Variants in SEPTIN3 observed in about 807,000 individuals in gnomAD.
The protein encoded by SEPTIN3 is septin 3.
A neutral mutation model predicts 45.1 loss-of-function variants in SEPTIN3; 15 were observed. The observed-to-expected ratio is 0.33, with a 90% CI of 0.22 to 0.51. The LOEUF is 0.51. SEPTIN3 is among the 20% of genes least tolerant of loss of function. SEPTIN3 has a pLI of 0.97. For synonymous variants in SEPTIN3, 148 were observed against 164.8 expected (o/e 0.90, Z 0.78); for missense variants, 289 against 457.2 (o/e 0.63, Z 3.35).
At chr22:41,988,161 C>G (rs764945057) in intron 6 of SEPTIN3, among the ~76,000 whole-genome samples, 1 of 152,102 alleles carries the variant, frequency 6.6e-6, no homozygotes, top group East Asian at 1.9e-4. Context: ...GTGCAGGGCT[C>G]CTGGATTGGG....
chr22:41,995,275 TG>T, intron 11 of SEPTIN3: 5 of 989,724 alleles, frequency 5.1e-6, no homozygotes, highest in Non-Finnish European at 4.8e-6. Context: ...GGGGTAAGGC[TG>T]GGGCTTCCTG....
At position 41,972,456 on chromosome 22, in the gene SEPTIN3, G is replaced by A. The variant is rs748101205; in HGVS notation, c.964G>A (p.Val322Met). 7.5e-6 allele frequency: 3 copies of A among 398,938 alleles called. No individual in the cohort carries two copies. The highest frequency in any genetic ancestry group is 2.1e-5 in the African/African-American group (1 of 48,610). 24.7% of individuals were successfully genotyped at this position (398,938 alleles called of 1,614,324 possible). Residue 322 changes from valine (V) to methionine (M), a missense_variant, in exon 2 of 12, where the codon GTG (valine) becomes ATG (methionine). Val to Met is a conservative substitution (Grantham distance 21). Transcript: ENST00000644076. ...SVGTVKSGKT[V>M]NLATAGTIKP... Reference sequence around the variant, plus strand: ...AGGGACAGTCAAGTCAGGCAAAACCGTGAACTTGGCTACAGCAGGCACAAT... The same window carrying A: ...AGGGACAGTCAAGTCAGGCAAAACCATGAACTTGGCTACAGCAGGCACAAT...
intron 3 of SEPTIN3, among the ~76,000 whole-genome samples, chr22:41,983,444 T>G (rs931920872): frequency 6.6e-6 from 1 of 152,192 alleles, no homozygotes; most frequent in Non-Finnish European, 1.5e-5. Context: ...TCTTCCCACC[T>G]TGCAAAACTT....
chr22:41,973,935 C>T (rs185215485), intron 2 of SEPTIN3, among the ~76,000 whole-genome samples: 24 of 151,834 alleles, frequency 1.6e-4, no homozygotes, highest in African/African-American at 4.8e-4. Flanking sequence ...GAGCCAAGAT[C>T]GTGCCACTGC....
chr22:41,997,413 C>T lies in SEPTIN3; in HGVS notation c.*446C>T, dbSNP rs74573219. The T allele has an allele frequency of 2.7e-3, 427 of 160,146 alleles. 2 individuals carry two copies. Among genetic ancestry groups the T allele is most frequent in the Admixed American group, 7.5e-3 (118 of 15,778 alleles). The allele number at this position is 160,146 out of a possible 1,614,324, so 9.9% of individuals were successfully genotyped here. A position where few individuals can be genotyped will look rare whatever the true frequency, so the allele number is the denominator to read the frequency against. ...ATTCATTGAGATCAGCTGTGTGAGCCCCAAAGTGGGACAAGGGTGTCTCCT... is the reference window on the plus strand; with the variant it reads ...ATTCATTGAGATCAGCTGTGTGAGCTCCAAAGTGGGACAAGGGTGTCTCCT... On this transcript the variant is annotated 3_prime_UTR_variant, in exon 12 of 12. Coordinates refer to ENST00000644076, the MANE Select transcript of SEPTIN3 (RefSeq NM_001363845.2).
chr22:41,975,866 A>G (rs188788223), intron 2 of SEPTIN3, among the ~76,000 whole-genome samples: 4 of 152,208 alleles, frequency 2.6e-5, no homozygotes, highest in African/African-American at 7.2e-5. Flanking sequence ...CGACTCCCAC[A>G]TTGAATGGCA....
chr22:41,981,544 C>T, intron 2 of SEPTIN3, 101 bp from the exon 3 acceptor site: 1 of 1,038,100 alleles, frequency 9.6e-7, no homozygotes, highest in African/African-American at 1.6e-5. Flanking sequence ...CCAGGCCCAA[C>T]TTTGTATGAT....
At chr22:41,980,726 C>A (rs2078107814) in intron 2 of SEPTIN3, among the ~76,000 whole-genome samples, 1 of 152,148 alleles carries the variant, frequency 6.6e-6, no homozygotes, top group Non-Finnish European at 1.5e-5. Flanking sequence ...TCCACTAAAC[C>A]CAGGGGGACG....
At position 41,981,729 on chromosome 22, in the gene SEPTIN3, T is replaced by C; in HGVS notation, c.1589T>C (p.Met530Thr). 1.2e-6 allele frequency: 2 copies of C among 1,614,086 alleles called. No homozygotes were observed. Among genetic ancestry groups the C allele is most frequent in the Non-Finnish European group, 1.7e-6 (2 of 1,179,998 alleles). ...RPKPAVPMKP[M>T]SINSNLLGYI... Reference sequence around the variant, plus strand: ...AAGCCAGCGGTGCCCATGAAGCCCATGAGCATCAACTCCAACCTGCTGGGC... The same window carrying C: ...AAGCCAGCGGTGCCCATGAAGCCCACGAGCATCAACTCCAACCTGCTGGGC... The change falls in exon 3 of 12, where the codon ATG (methionine) becomes ACG (threonine). Residue 530 changes from methionine (M) to threonine (T), a missense_variant. Coordinates refer to ENST00000644076, the MANE Select transcript of SEPTIN3 (RefSeq NM_001363845.2).
chr22:41,996,879 A>C, intron 11 of SEPTIN3, 23 bp from the exon 12 acceptor site: 2 of 1,613,224 alleles, frequency 1.2e-6, no homozygotes, highest in Non-Finnish European at 1.7e-6. Flanking sequence ...CCACACCCTC[A>C]ACCGTTCTCA....
chr22:41,971,339 G>A, intron 1 of SEPTIN3, 135 bp from the exon 2 acceptor site: 2 of 397,594 alleles, frequency 5.0e-6, no homozygotes, highest in Non-Finnish European at 8.9e-6. Context: ...CCTCCACTAA[G>A]GACTGGACAG....
intron 3 of SEPTIN3, among the ~76,000 whole-genome samples, chr22:41,984,321 G>T (rs1282235439): frequency 6.6e-6 from 1 of 152,124 alleles, no homozygotes; most frequent in Admixed American, 6.6e-5. Context: ...ATAATCACAA[G>T]AATTCACCAG....
At position 41,976,985 on chromosome 22, in the gene SEPTIN3, G is replaced by T; in HGVS notation, c.1504+3989G>T. ...CCCGTTTGCAGGGGCCGCTCGGCCC[G>T]GGGAAGCCCGCGCCCCGCTCAGCCT... On this transcript the variant is annotated intron_variant, in intron 2 of 11. Transcript: ENST00000644076. The surrounding 1 kb of genome is among the most constrained non-coding windows in gnomAD (Gnocchi z 5.8). 6.7e-7 allele frequency: 1 copy of T among 1,492,638 alleles called. No homozygotes were observed. Among genetic ancestry groups the T allele is most frequent in the Admixed American group, 2.0e-5 (1 of 50,976 alleles). The allele number at this position is 1,492,638 out of a possible 1,614,324, so 92.5% of individuals were successfully genotyped here. A position where few individuals can be genotyped will look rare whatever the true frequency, so the allele number is the denominator to read the frequency against.
chr22:41,987,251 C>T lies in SEPTIN3; in HGVS notation c.1871C>T (p.Thr624Ile). 6.2e-7 allele frequency: 1 copy of T among 1,613,626 alleles called. No individual in the cohort carries two copies. Among genetic ancestry groups the T allele is most frequent in the East Asian group, 2.2e-5 (1 of 44,876 alleles). ...AAAATGAAGCTGACCGTCATCGACACCCCAGGCTTTGGAGACCAAATCAAC... is the reference window on the plus strand; with the variant it reads ...AAAATGAAGCTGACCGTCATCGACATCCCAGGCTTTGGAGACCAAATCAAC... ...GVKMKLTVID[T>I]PGFGDQINNE... The change falls in exon 5 of 12, where the codon ACC becomes ATC. Residue 624 changes from threonine (T) to isoleucine (I), a missense_variant. This residue lies in a region of SEPTIN3 where 200 missense variants were observed against 315.1 expected (regional missense o/e 0.63). Transcript: ENST00000644076.
chr22:41,988,168 T>G (rs117969468), intron 6 of SEPTIN3, among the ~76,000 whole-genome samples: 5,939 of 152,166 alleles, frequency 0.039, 187 homozygotes, highest in Non-Finnish European at 0.058. Flanking sequence ...GCTCCTGGAT[T>G]GGGGCTGGTG....
chr22:41,996,518 G>C, intron 11 of SEPTIN3: 1 of 1,010,776 alleles, frequency 9.9e-7, no homozygotes, highest in South Asian at 4.6e-5. Context: ...CAGGAGAAAG[G>C]GGGGCGGTGA....
chr22:41,977,489 G>C (rs1246838955), intron 2 of SEPTIN3, among the ~76,000 whole-genome samples: 1 of 152,152 alleles, frequency 6.6e-6, no homozygotes, highest in Non-Finnish European at 1.5e-5. Flanking sequence ...GTCTCCAAGG[G>C]AACCCGTTGG....
At chr22:41,995,194 G>A (rs1020284647) in intron 11 of SEPTIN3, 2 of 1,022,192 alleles carry the variant, frequency 2.0e-6, no homozygotes, top group Non-Finnish European at 2.4e-6. Flanking sequence ...AAGGACAGAT[G>A]GCAGTGGAGC....
At chr22:41,990,856 G>T (rs902708435) in intron 7 of SEPTIN3, among the ~76,000 whole-genome samples, 2 of 151,878 alleles carry the variant, frequency 1.3e-5, no homozygotes, top group Admixed American at 6.6e-5. Context: ...CTAAGGTCAG[G>T]AGTTCGAGAC....
Sources: allele counts gnomAD v4.1 joint callset (sites outside exome capture counted in the v4.1 genomes callset), GRCh38; gene constraint gnomAD v4.1.1; regional missense constraint gnomAD v4.1.1; non-coding constraint Gnocchi (gnomAD v3.1); transcripts MANE v1.5; gene names NCBI Gene and HGNC (gene_info 2026-07-23, HGNC 2026-07-21).